LIPA: variants seen among roughly 807,000 people sequenced by gnomAD.
LIPA encodes lipase A, lysosomal acid type.
LIPA carries 26 observed loss-of-function variants against 40.6 expected under a neutral mutation model. The ratio of observed to expected loss-of-function variants is 0.64; its 90% CI spans 0.47 to 0.89. The LOEUF is 0.89. LIPA is among the 40% of genes least tolerant of loss of function. The pLI is 0.00. For missense variants in LIPA, 455 were observed against 479.6 expected, an observed-to-expected ratio of 0.95 and a Z score of 0.48; for synonymous variants, 188 against 168.4, an observed-to-expected ratio of 1.12 and a Z score of -0.90.
chr10:89,390,056 G>A (rs979776157), intron 2 of LIPA, among the ~76,000 whole-genome samples: 3 of 146,014 alleles, frequency 2.1e-5, no homozygotes, highest in African/African-American at 5.1e-5. Flanking sequence ...GCACGATCTC[G>A]GCTCACCACA....
chr10:89,242,335 G>A (rs1842974126), intron 3 of LIPA, among the ~76,000 whole-genome samples: 1 of 152,190 alleles, frequency 6.6e-6, no homozygotes, highest in Admixed American at 6.5e-5. Flanking sequence ...ATACCAGCTG[G>A]ACAGAATATT....
At chr10:89,224,922 G>A (rs1403297921) in intron 6 of LIPA, among the ~76,000 whole-genome samples, 170 bp downstream of exon 6, 2 of 152,172 alleles carry the variant, frequency 1.3e-5, no homozygotes, top group Non-Finnish European at 2.9e-5. Context: ...AGGCGTCCCC[G>A]GCCACCCCTG....
At chr10:89,363,913 G>A (rs1476001481) in intron 2 of LIPA, among the ~76,000 whole-genome samples, 1 of 152,092 alleles carries the variant, frequency 6.6e-6, no homozygotes, top group Non-Finnish European at 1.5e-5. Context: ...GATGAGGAGA[G>A]TTTGAATCTC....
rs766274568 is a variant in LIPA at position 89,223,868 on chromosome 10, T to C, written c.676-38A>G. On this transcript the variant is annotated intron_variant, in intron 6 of 9. Transcript: ENST00000336233. ...AAGAAACCCAAGAACATCTCAGCAT[T>C]TCACTCTGGTGCATAAGTCTCCGTG... The C allele has an allele frequency of 1.3e-5, 21 of 1,606,244 alleles. No individual in the cohort carries two copies. The South Asian group carries it at 2.3e-4, about 18-fold the overall frequency.
intron 1 of LIPA, among the ~76,000 whole-genome samples, chr10:89,249,906 T>C (rs1167479849): frequency 6.6e-6 from 1 of 152,166 alleles, no homozygotes; most frequent in African/African-American, 2.4e-5. Flanking sequence ...AATACTCCAA[T>C]ACAGCTGTTT....
rs533155393 is a variant in LIPA, at chr10:89,295,773, C to T, written c.-2+46838G>A. Reference sequence around the variant, plus strand: ...ATATATTTGTAGCAACGAGGTTAGGCAGAACTCTTTCTAATAAGTTTCATT... The same window carrying T: ...ATATATTTGTAGCAACGAGGTTAGGTAGAACTCTTTCTAATAAGTTTCATT... On this transcript the variant is annotated intron_variant, in intron 1 of 5. Coordinates refer to the LIPA transcript ENST00000282673. Among the ~76,000 whole-genome samples, 348 of 152,304 alleles carry T rather than the reference C, an allele frequency of 2.3e-3. 1 individual carries two copies. Among genetic ancestry groups the T allele is most frequent in the African/African-American group, 8.2e-3 (342 of 41,568 alleles).
At chr10:89,393,130 A>G in intron 2 of LIPA, 2 of 1,293,052 alleles carry the variant, frequency 1.5e-6, no homozygotes, top group South Asian at 2.5e-5. Context: ...GAGAAAAAGC[A>G]GGACCCACAA....
rs143626364 is a variant in LIPA at position 89,250,926 on chromosome 10, T to C, written c.-2+811A>G. Among the ~76,000 whole-genome samples the C allele has an allele frequency of 2.3e-3, 347 of 152,304 alleles. 3 individuals carry two copies. Among genetic ancestry groups the C allele is most frequent in the Non-Finnish European group, 3.4e-3 (233 of 68,030 alleles). On this transcript the variant is annotated intron_variant, in intron 1 of 9. Coordinates refer to ENST00000336233, the MANE Select transcript of LIPA (RefSeq NM_000235.4). ...TATTAACACCTTTATCTCAGTTATT[T>C]AGACTTTGTAACAATCTGACTCAGC...
At chr10:89,339,924 A>C in intron 1 of LIPA, 1 of 1,614,182 alleles carries the variant, frequency 6.2e-7, no homozygotes, top group Non-Finnish European at 8.5e-7. Context: ...TTCAAGGATT[A>C]ATTCATAAGC....
chr10:89,250,257 G>A (rs1157899771), intron 1 of LIPA, among the ~76,000 whole-genome samples: 1 of 151,478 alleles, frequency 6.6e-6, no homozygotes, highest in Non-Finnish European at 1.5e-5. Context: ...CCACCACCAC[G>A]CCTGGCTAAT....
intron 2 of LIPA, among the ~76,000 whole-genome samples, chr10:89,363,779 A>AC (rs1260106070): frequency 1.8e-4 from 27 of 151,136 alleles, no homozygotes. Flanking sequence ...TCCATCAAAA[A>AC]AAAAAAAAAA....
At chr10:89,399,549 T>C (rs1471143223) in intron 2 of LIPA, among the ~76,000 whole-genome samples, 1 of 152,232 alleles carries the variant, frequency 6.6e-6, no homozygotes, top group Non-Finnish European at 1.5e-5. Flanking sequence ...AATTTTTGTA[T>C]ATGGCATAAA....
chr10:89,351,668 C>T (rs748408702), intron 2 of LIPA, among the ~76,000 whole-genome samples: 1 of 152,156 alleles, frequency 6.6e-6, no homozygotes, highest in Non-Finnish European at 1.5e-5. Context: ...TCTTTTCTTC[C>T]TGCAGCAACA....
At chr10:89,389,266 T>C (rs796461299) in intron 2 of LIPA, among the ~76,000 whole-genome samples, 24 of 152,288 alleles carry the variant, frequency 1.6e-4, no homozygotes, top group African/African-American at 5.3e-4. Flanking sequence ...AACATGGAAA[T>C]GGATTGATCG....
chr10:89,330,209 A>G lies in LIPA; in HGVS notation c.-2+12402T>C, dbSNP rs538804235. Among the ~76,000 whole-genome samples the G allele has an allele frequency of 2.0e-5, 3 of 152,330 alleles. No homozygotes were observed. In the East Asian group the frequency reaches 5.8e-4, roughly 29 times the overall value. On this transcript the variant is annotated intron_variant, in intron 1 of 5. Transcript: ENST00000282673. The stretch of plus-strand genomic sequence containing the variant: ...GCACTGTGTTAAACACGTTTTACGC[A>G]TGACCTCATATCACCCTTCCAACAG...
intron 1 of LIPA, among the ~76,000 whole-genome samples, chr10:89,320,264 G>C (rs749344319): frequency 1.3e-5 from 2 of 152,186 alleles, no homozygotes; most frequent in Non-Finnish European, 2.9e-5. Context: ...ATTAGGAAAA[G>C]AGGAAGTCAA....
intron 3 of LIPA, among the ~76,000 whole-genome samples, chr10:89,245,129 A>G (rs2246942): frequency 0.38 from 58,429 of 152,042 alleles, 11,539 homozygotes; most frequent in South Asian, 0.53. Flanking sequence ...TAAAAAATTC[A>G]AAGAACAAAA....
chr10:89,363,458 C>G (rs1844035440), intron 2 of LIPA: 1 of 152,138 alleles, frequency 6.6e-6, no homozygotes, highest in African/African-American at 2.4e-5. Context: ...CATGGGAAGT[C>G]TGAAGCTAAC....
intron 1 of LIPA, chr10:89,340,338 C>T: frequency 2.3e-6 from 1 of 443,592 alleles, no homozygotes; most frequent in Non-Finnish European, 4.0e-6. Flanking sequence ...GTGGGCGGAT[C>T]ACGAGGTCTG....
Sources: allele counts gnomAD v4.1 joint callset (sites outside exome capture counted in the v4.1 genomes callset), GRCh38; gene constraint gnomAD v4.1.1; transcripts MANE v1.5; gene names NCBI Gene and HGNC (gene_info 2026-07-23, HGNC 2026-07-21).